The following WDPCP variants were observed in gnomAD, a reference collection of about 807,000 sequenced individuals.
WDPCP encodes WD repeat-containing and planar cell polarity effector protein fritz homolog.
In WDPCP, 71 loss-of-function variants were observed where a neutral mutation model predicts 93.1. That is an observed-to-expected ratio of 0.76 (90% confidence interval 0.63 to 0.93). WDPCP has a LOEUF of 0.93. Ranked by LOEUF, WDPCP falls within the 40% of genes least tolerant of loss-of-function variation. WDPCP has a pLI of 0.00. For synonymous variants in WDPCP, 315 were observed against 315.0 expected (o/e 1.00, Z 0.00); for missense variants, 844 against 887.4 (o/e 0.95, Z 0.62).
chr2:63,249,448 G>C (rs1680542489), intron 14 of WDPCP, among the ~76,000 whole-genome samples: 1 of 151,900 alleles, frequency 6.6e-6, no homozygotes, highest in Non-Finnish European at 1.5e-5. Context: ...AAGTTCTTTA[G>C]ACAATGCCTG....
At position 63,579,991 on chromosome 2, in the gene WDPCP, T is replaced by A. The variant is rs979373457; in HGVS notation, c.75+8206A>T. 5.9e-5 allele frequency among the ~76,000 whole-genome samples: 9 copies of A among 152,280 alleles called. No individual in the cohort carries two copies. In the East Asian group the frequency reaches 1.5e-3, roughly 26 times the overall value. ...CTCCTGATATGTTCAGCCCCCTTCC[T>A]CTCTGTCTCTCACACTTGCTTGCCA... On this transcript the variant is annotated intron_variant, in intron 1 of 17. Coordinates refer to ENST00000272321, the MANE Select transcript of WDPCP (RefSeq NM_015910.7).
At chr2:63,342,448 A>G (rs940116182) in intron 12 of WDPCP, among the ~76,000 whole-genome samples, 1 of 152,180 alleles carries the variant, frequency 6.6e-6, no homozygotes, top group African/African-American at 2.4e-5. Context: ...TTGTTATATA[A>G]TTCTTCCAAT....
chr2:63,143,459 G>A (rs1457355036), intron 17 of WDPCP, among the ~76,000 whole-genome samples: 1 of 152,126 alleles, frequency 6.6e-6, no homozygotes, highest in African/African-American at 2.4e-5. Context: ...TGCATTCATT[G>A]TGATTTTTGT....
chr2:63,547,556 T>TATAC (rs139046430), intron 1 of WDPCP, among the ~76,000 whole-genome samples: 3 of 4,762 alleles, frequency 6.3e-4, no homozygotes, highest in South Asian at 0.02. Context: ...GTGGTATGTA[T>TATAC]ACACACACAC....
intron 2 of WDPCP, among the ~76,000 whole-genome samples, chr2:63,786,433 T>C (rs1670467698): frequency 6.6e-6 from 1 of 152,164 alleles, no homozygotes; most frequent in Non-Finnish European, 1.5e-5. Context: ...GAAGAGAGCA[T>C]CTAAGTAACC....
At chr2:63,738,237 T>C (rs181618160) in intron 2 of WDPCP, among the ~76,000 whole-genome samples, 4 of 152,260 alleles carry the variant, frequency 2.6e-5, no homozygotes, top group Non-Finnish European at 4.4e-5. Flanking sequence ...TGAGTCTCAA[T>C]ATTTCAGGTG....
At position 63,492,934 on chromosome 2, in the gene WDPCP, C is replaced by A. The variant is rs1217604830; in HGVS notation, c.82G>T (p.Asp28Tyr). The A allele has an allele frequency of 6.2e-7, 1 of 1,613,292 alleles. No individual in the cohort carries two copies. Among genetic ancestry groups the A allele is most frequent in the Non-Finnish European group, 8.5e-7 (1 of 1,179,774 alleles). Residue 28 changes from aspartate (D) to tyrosine (Y), a missense_variant, in exon 2 of 18, where the codon GAT becomes TAT. Coordinates refer to ENST00000272321, the MANE Select transcript of WDPCP (RefSeq NM_015910.7). ...AAAGACATCTGATGGCAGAAGGAAT[C>A]TCTATCCTGTTTAAAAAATAATTAA... Reference protein sequence around the residue: ...ASSPLPRQDRDSFCHQMSFCL... With the variant: ...ASSPLPRQDRYSFCHQMSFCL...
At chr2:63,300,292 A>C (rs1240796624) in intron 13 of WDPCP, among the ~76,000 whole-genome samples, 1 of 152,130 alleles carries the variant, frequency 6.6e-6, no homozygotes, top group African/African-American at 2.4e-5. Context: ...AACCCAGACA[A>C]TGTAGCCACT....
At chr2:63,244,057 A>G (rs1484094716) in intron 14 of WDPCP, among the ~76,000 whole-genome samples, 2 of 152,156 alleles carry the variant, frequency 1.3e-5, no homozygotes, top group Admixed American at 6.6e-5. Flanking sequence ...AGTGCAATAA[A>G]AATAGAAATC....
intron 12 of WDPCP, among the ~76,000 whole-genome samples, chr2:63,315,708 A>G (rs1029316755): frequency 6.6e-6 from 1 of 152,198 alleles, no homozygotes; most frequent in Non-Finnish European, 1.5e-5. Flanking sequence ...ATTTTAAAGA[A>G]TAAAACAGAA....
intron 13 of WDPCP, among the ~76,000 whole-genome samples, chr2:63,268,785 C>A (rs1408763266): frequency 1.3e-5 from 2 of 151,826 alleles, no homozygotes; most frequent in Non-Finnish European, 2.9e-5. Flanking sequence ...TCCTGGCCTT[C>A]AAAAAAGATT....
intron 1 of WDPCP, among the ~76,000 whole-genome samples, chr2:63,819,067 C>T (rs1313714969): frequency 1.3e-5 from 2 of 152,068 alleles, no homozygotes; most frequent in Admixed American, 6.6e-5. Context: ...CTCCATATAT[C>T]ACAGTTTAAA....
intron 1 of WDPCP, among the ~76,000 whole-genome samples, chr2:63,579,729 T>C (rs1159376970): frequency 3.3e-5 from 5 of 151,288 alleles, no homozygotes; most frequent in East Asian, 2.0e-4. Flanking sequence ...ATGGAGTAGA[T>C]AGATTAGATA....
In WDPCP at chr2:63,156,161, G is replaced by A. The variant is rs1220396970; in HGVS notation, c.2079-2587C>T. On this transcript the variant is annotated intron_variant, in intron 15 of 17. Transcript: ENST00000272321. ...ACTACAGGCGTGTGCCACCACACCC[G>A]GCTAATTTTTTTTTTATTTTTAACA... Among the ~76,000 whole-genome samples the A allele has an allele frequency of 4.0e-5, 6 of 151,802 alleles. No homozygotes were observed. The East Asian group carries it at 7.8e-4, about 20-fold the overall frequency.
chr2:63,754,455 G>A (rs1007327385), intron 2 of WDPCP, among the ~76,000 whole-genome samples: 1 of 152,196 alleles, frequency 6.6e-6, no homozygotes, highest in African/African-American at 2.4e-5. Context: ...TTTTGATAGT[G>A]TTTGAAGAAC....
intron 2 of WDPCP, among the ~76,000 whole-genome samples, chr2:63,762,350 G>A (rs535000565): frequency 1.2e-4 from 19 of 152,256 alleles, no homozygotes; most frequent in Admixed American, 4.6e-4. Context: ...CAGAAAATCT[G>A]AAAATCTAAC....
At chr2:63,379,605 C>T (rs1349896754) in intron 11 of WDPCP, among the ~76,000 whole-genome samples, 4 of 152,144 alleles carry the variant, frequency 2.6e-5, no homozygotes, top group Non-Finnish European at 5.9e-5. Flanking sequence ...TTTCGTACAT[C>T]TGAAATATTC....
chr2:63,476,093 C>T (rs143333618), intron 6 of WDPCP, among the ~76,000 whole-genome samples: 4 of 152,104 alleles, frequency 2.6e-5, no homozygotes, highest in Admixed American at 2.0e-4. Flanking sequence ...ACCTTAAGCT[C>T]ACTGTACTTA....
At chr2:63,267,232 A>T (rs1682210272) in intron 13 of WDPCP, among the ~76,000 whole-genome samples, 1 of 152,244 alleles carries the variant, frequency 6.6e-6, no homozygotes, top group Non-Finnish European at 1.5e-5. Flanking sequence ...ATGGGAAAGA[A>T]CAATTTATTG....
Sources: allele counts gnomAD v4.1 joint callset (sites outside exome capture counted in the v4.1 genomes callset), GRCh38; gene constraint gnomAD v4.1.1; transcripts MANE v1.5; gene names NCBI Gene and HGNC (gene_info 2026-07-23, HGNC 2026-07-21).